Variants in NELL2 observed in about 807,000 individuals in gnomAD.
NELL2 encodes the protein neural EGFL like 2, also known as protein kinase C-binding protein NELL2.
NELL2 carries 41 observed loss-of-function variants against 109.6 expected under a neutral mutation model. The observed-to-expected ratio is 0.37, with a 90% confidence interval of 0.29 to 0.49. NELL2 has a LOEUF of 0.49. Among genes scored for constraint, NELL2 ranks in the 20% least tolerant of loss-of-function variants. NELL2 has a pLI of 0.98. For synonymous variants in NELL2, 355 were observed against 344.7 expected, an observed-to-expected ratio of 1.03 and a Z score of -0.33; for missense variants, 900 against 1,008.3, an observed-to-expected ratio of 0.89 and a Z score of 1.45.
intron 13 of NELL2, among the ~76,000 whole-genome samples, chr12:44,645,661 T>C (rs768931400): frequency 6.6e-6 from 1 of 152,190 alleles, no homozygotes; most frequent in Admixed American, 6.6e-5. Context: ...ATCAACCACA[T>C]GTTATTTCAC....
chr12:44,890,662 C>T (rs1945522912), intron 1 of NELL2, among the ~76,000 whole-genome samples: 1 of 151,786 alleles, frequency 6.6e-6, no homozygotes, highest in Admixed American at 6.6e-5. Flanking sequence ...AAAATTTTCT[C>T]CCCCCATATC....
At chr12:44,580,257 T>C (rs1944274248) in intron 15 of NELL2, among the ~76,000 whole-genome samples, 1 of 152,172 alleles carries the variant, frequency 6.6e-6, no homozygotes, top group Non-Finnish European at 1.5e-5. Context: ...TAGGGGATAG[T>C]TATGTGGAAG....
chr12:44,657,876 T>C (rs899604721), intron 13 of NELL2, among the ~76,000 whole-genome samples: 2 of 152,202 alleles, frequency 1.3e-5, no homozygotes, highest in African/African-American at 4.8e-5. Flanking sequence ...ATCCAGTCTA[T>C]CATTGATGGA....
intron 9 of NELL2, among the ~76,000 whole-genome samples, chr12:44,745,919 A>G (rs1254612555): frequency 6.6e-6 from 1 of 152,188 alleles, no homozygotes; most frequent in Non-Finnish European, 1.5e-5. Context: ...GCTACCAATG[A>G]CTTTCTTCAC....
At chr12:44,793,571 A>G (rs1942510600) in intron 3 of NELL2, among the ~76,000 whole-genome samples, 1 of 152,198 alleles carries the variant, frequency 6.6e-6, no homozygotes, top group East Asian at 1.9e-4. Context: ...AGTAACAGTG[A>G]TGGTGATACA....
intron 9 of NELL2, among the ~76,000 whole-genome samples, chr12:44,745,677 C>T (rs1036889858): frequency 0.014 from 2,057 of 151,916 alleles, 22 homozygotes; most frequent in Non-Finnish European, 0.021. Context: ...AGCCAAATCT[C>T]CAGTGAACTC....
intron 15 of NELL2, among the ~76,000 whole-genome samples, chr12:44,557,778 A>C (rs1258449060): frequency 6.6e-6 from 1 of 152,176 alleles, no homozygotes; most frequent in African/African-American, 2.4e-5. Flanking sequence ...AAATGAGAGG[A>C]TGGAATTGTA....
intron 12 of NELL2, among the ~76,000 whole-genome samples, chr12:44,686,720 T>G (rs377745886): frequency 2.4e-4 from 36 of 152,012 alleles, no homozygotes; most frequent in Admixed American, 5.9e-4. Context: ...TCCCAGTTAG[T>G]CTGCTCGGGG....
intron 15 of NELL2, among the ~76,000 whole-genome samples, chr12:44,534,061 C>T (rs1234149955): frequency 6.6e-6 from 1 of 152,098 alleles, no homozygotes; most frequent in Non-Finnish European, 1.5e-5. Flanking sequence ...AGACAGACTA[C>T]TTCAGTTGAC....
At position 44,833,695 on chromosome 12, in the gene NELL2, C is replaced by A. The variant is rs1728434630; in HGVS notation, c.185-17559G>T. ...AAGTTACTCCCCTTCCCTCCTAATTCTCCACTGAAGCAAGGTTTACAACCT... is the reference window on the plus strand; with the variant it reads ...AAGTTACTCCCCTTCCCTCCTAATTATCCACTGAAGCAAGGTTTACAACCT... On this transcript the variant is annotated intron_variant, in intron 2 of 19. Coordinates refer to ENST00000429094, the MANE Select transcript of NELL2 (RefSeq NM_001145108.2). Among the ~76,000 whole-genome samples the A allele has an allele frequency of 2.0e-5, 3 of 152,198 alleles. No homozygotes were observed. The South Asian group carries it at 6.2e-4, about 32-fold the overall frequency.
rs540212716 is a variant in NELL2 at position 44,643,192 on chromosome 12, G to A, written c.1444+22292C>T. Reference sequence around the variant, plus strand: ...TGTATCCTAAGAATATTATCAGGGAGGATTACAAAAGTCCTATACCACATA... The same window carrying A: ...TGTATCCTAAGAATATTATCAGGGAAGATTACAAAAGTCCTATACCACATA... On this transcript the variant is annotated intron_variant, in intron 13 of 19. Coordinates refer to ENST00000429094, the MANE Select transcript of NELL2 (RefSeq NM_001145108.2). Among the ~76,000 whole-genome samples, 252 of 152,154 alleles carry A rather than the reference G, an allele frequency of 1.7e-3. No individual in the cohort carries two copies. In the Middle Eastern group the frequency reaches 0.02, roughly 12 times the overall value.
intron 1 of NELL2, among the ~76,000 whole-genome samples, chr12:44,899,451 CCAATATTCAA>C (rs897719611): frequency 1.1e-4 from 17 of 152,074 alleles, no homozygotes; most frequent in African/African-American, 4.1e-4. Context: ...AGAGTGGGGG[CCAATATTCAA>C]CATTCTTAAG....
intron 1 of NELL2, among the ~76,000 whole-genome samples, chr12:44,919,734 G>T (rs905223784): frequency 6.6e-6 from 1 of 152,264 alleles, no homozygotes; most frequent in Middle Eastern, 3.4e-3. Flanking sequence ...CCCTTGGAAG[G>T]AACCAATTCT....
chr12:44,542,524 T>C (rs1174131156), intron 15 of NELL2, among the ~76,000 whole-genome samples: 1 of 152,144 alleles, frequency 6.6e-6, no homozygotes, highest in Non-Finnish European at 1.5e-5. Context: ...CCTCAGAATA[T>C]GACCTTATTT....
intron 11 of NELL2, among the ~76,000 whole-genome samples, chr12:44,710,405 T>A (rs985742794): frequency 6.6e-6 from 1 of 152,130 alleles, no homozygotes; most frequent in African/African-American, 2.4e-5. Context: ...GGTATCATAC[T>A]AAGTATTAAG....
Position 44,707,953 on chromosome 12 carries a change from C to T in NELL2, c.1189+3339G>A, listed in dbSNP as rs1007469498. On this transcript the variant is annotated intron_variant, in intron 11 of 19. Coordinates refer to ENST00000429094, the MANE Select transcript of NELL2 (RefSeq NM_001145108.2). ...AACTCAGCCTTCTGTATGTGGATGC[C>T]CCTATTGCTTATAATTATGAGTTGA... 3.3e-5 allele frequency among the ~76,000 whole-genome samples: 5 copies of T among 151,966 alleles called. No individual in the cohort carries two copies. The East Asian group carries it at 7.7e-4, about 23-fold the overall frequency.
At chr12:44,824,539 G>A (rs796068465) in intron 2 of NELL2, among the ~76,000 whole-genome samples, 28 of 152,096 alleles carry the variant, frequency 1.8e-4, no homozygotes, top group African/African-American at 6.0e-4. Context: ...TGGCACTTTT[G>A]TTGAAAATCA....
intron 9 of NELL2, among the ~76,000 whole-genome samples, chr12:44,760,325 G>A (rs1012526932): frequency 1.3e-5 from 2 of 152,044 alleles, no homozygotes; most frequent in Admixed American, 1.3e-4. Context: ...GTGTCCATCA[G>A]AGAATTATCT....
chr12:44,867,842 A>C (rs112538922), intron 2 of NELL2, among the ~76,000 whole-genome samples: 1,997 of 152,172 alleles, frequency 0.013, 36 homozygotes, highest in African/African-American at 0.045. Flanking sequence ...TAAACTGGTG[A>C]GGTGCAGTGG....
Sources: gnomAD v4.1 joint callset for allele counts (sites outside exome capture counted in the v4.1 genomes callset) on GRCh38, gnomAD v4.1.1 for gene constraint, MANE v1.5 for transcripts, NCBI Gene and HGNC (gene_info 2026-07-23, HGNC 2026-07-21) for gene names.